Variants in KDM5B observed in about 807,000 individuals in gnomAD.
The protein encoded by KDM5B is lysine-specific demethylase 5B.
In KDM5B, 144 loss-of-function variants were observed where a neutral mutation model predicts 193.4. That is an observed-to-expected ratio of 0.74 (90% CI 0.65 to 0.86). The LOEUF is 0.86. KDM5B is among the 40% of genes least tolerant of loss of function. The pLI, the probability that KDM5B is intolerant of heterozygous loss-of-function variation, is 0.00. For missense variants in KDM5B, 1,833 were observed against 1,886.9 expected (o/e 0.97, Z 0.53); for synonymous variants, 668 against 682.6 (o/e 0.98, Z 0.33).
chr1:202,742,605 C>T, intron 17 of KDM5B, 50 bp downstream of exon 17: 1 of 1,610,230 alleles, frequency 6.2e-7, no homozygotes, highest in East Asian at 2.2e-5. Flanking sequence ...CAACAGGTTT[C>T]CAAACATAGG....
Position 202,742,457 on chromosome 1 carries a change from C to G in KDM5B, c.2523G>C (p.Glu841Asp). 6.2e-7 allele frequency: 1 copy of G among 1,614,126 alleles called. No homozygotes were observed. ...GKSQNQLTVN[E>D]LRQFVTQLYA... The stretch of plus-strand genomic sequence containing the variant: ...ACAGCTGTGTTACAAACTGCCGGAG[C>G]TCATTCACTGTCAACTGATTTTGGG... Residue 841 changes from glutamate (E) to aspartate (D), a missense_variant, in exon 18 of 27, where the codon GAG (glutamate) becomes GAC (aspartate). Transcript: ENST00000367265.
chr1:202,762,031 A>G (rs954396236), intron 7 of KDM5B, among the ~76,000 whole-genome samples: 1 of 152,130 alleles, frequency 6.6e-6, no homozygotes, highest in South Asian at 2.1e-4. Context: ...AGTTCCAAGA[A>G]AAAAAAGCAC....
chr1:202,778,450 GGTA>G (rs1657054043), intron 1 of KDM5B, among the ~76,000 whole-genome samples: 1 of 152,104 alleles, frequency 6.6e-6, no homozygotes, highest in African/African-American at 2.4e-5. Flanking sequence ...GGTAGACAAT[GGTA>G]ATGGCTGTAC....
At chr1:202,744,410 T>G (rs1261020672) in intron 16 of KDM5B, among the ~76,000 whole-genome samples, 1 of 152,010 alleles carries the variant, frequency 6.6e-6, no homozygotes, top group Non-Finnish European at 1.5e-5. Context: ...ATACAAAAAT[T>G]AGCTGGGCAT....
intron 4 of KDM5B, among the ~76,000 whole-genome samples, chr1:202,768,085 A>G (rs1296671178): frequency 6.6e-6 from 1 of 152,218 alleles, no homozygotes; most frequent in East Asian, 1.9e-4. Context: ...ACCACAGTAT[A>G]TCCCTACAAA....
At chr1:202,801,326 T>C (rs1572785975) in intron 1 of KDM5B, among the ~76,000 whole-genome samples, 1 of 151,862 alleles carries the variant, frequency 6.6e-6, no homozygotes, top group African/African-American at 2.4e-5. Flanking sequence ...TGTAAAGATA[T>C]ATGCTGATGG....
chr1:202,795,839 T>C (rs1024477000), intron 1 of KDM5B, among the ~76,000 whole-genome samples: 3 of 151,912 alleles, frequency 2.0e-5, no homozygotes, highest in Non-Finnish European at 4.4e-5. Flanking sequence ...TAATAAAATA[T>C]AGGGAGTAAA....
In KDM5B at chr1:202,725,656, G is replaced by A. The variant is rs3088324; in HGVS notation, c.*3380C>T. 12,056 of 152,194 alleles carry A rather than the reference G, an allele frequency of 0.079. 573 individuals are homozygous for A. The highest frequency in any genetic ancestry group is 0.12 in the African/African-American group (5,083 of 41,496). 9.4% of individuals were successfully genotyped at this position (152,194 alleles called of 1,614,324 possible). A position where few individuals can be genotyped will look rare whatever the true frequency, so the allele number is the denominator to read the frequency against. ...TTTCATCAGAAGGGATTGGGTTTTC[G>A]CCAGCACTATGGCAAGGAAAGACTA... is the stretch of plus-strand genomic sequence containing the variant. On this transcript the variant is annotated 3_prime_UTR_variant, in exon 27 of 27. Transcript: ENST00000367265.
chr1:202,778,174 CA>C (rs1013814145), intron 1 of KDM5B, among the ~76,000 whole-genome samples: 219 of 139,958 alleles, frequency 1.6e-3, no homozygotes, highest in African/African-American at 2.1e-3. Flanking sequence ...GACTTCACCT[CA>C]AAAAAAAAAA....
intron 24 of KDM5B, 129 bp downstream of exon 24, chr1:202,731,699 C>T: frequency 5.6e-6 from 4 of 710,976 alleles, no homozygotes; most frequent in South Asian, 1.7e-5. Flanking sequence ...TTTGCAAATA[C>T]ATAATAGCCT....
chr1:202,755,831 G>A (rs1655987147), intron 10 of KDM5B, among the ~76,000 whole-genome samples: 1 of 152,108 alleles, frequency 6.6e-6, no homozygotes, highest in South Asian at 2.1e-4. Flanking sequence ...GGCGAAAAGG[G>A]AACTTCTGGG....
rs374596350 is a variant in KDM5B at position 202,762,889 on chromosome 1, T to C, written c.809-81A>G. 39 of 751,654 alleles carry C rather than the reference T, an allele frequency of 5.2e-5. 1 individual carries two copies. Among genetic ancestry groups the C allele is most frequent in the Admixed American group, 2.0e-4 (10 of 50,464 alleles). 46.6% of individuals were successfully genotyped at this position (751,654 alleles called of 1,614,324 possible). On this transcript the variant is annotated intron_variant, in intron 6 of 26. Transcript: ENST00000367265. ...CATCTCCCTCCCAAAGCACATACTGTACACAAACATAATTTCATGTGTGTT... is the reference window on the plus strand; with the variant it reads ...CATCTCCCTCCCAAAGCACATACTGCACACAAACATAATTTCATGTGTGTT...
At chr1:202,766,209 C>T (rs1484021184) in intron 5 of KDM5B, among the ~76,000 whole-genome samples, 1 of 151,684 alleles carries the variant, frequency 6.6e-6, no homozygotes, top group Non-Finnish European at 1.5e-5. Flanking sequence ...AGCGAGACCA[C>T]CTATAAAAGG....
intron 2 of KDM5B, 45 bp from the exon 3 acceptor site, chr1:202,774,780 A>G: frequency 6.3e-7 from 1 of 1,575,532 alleles, no homozygotes; most frequent in African/African-American, 1.3e-5. Context: ...AGCTTATTTT[A>G]AAGCTCCTAT....
chr1:202,743,574 A>C (rs1267180659), intron 16 of KDM5B, among the ~76,000 whole-genome samples: 1 of 152,188 alleles, frequency 6.6e-6, no homozygotes, highest in Non-Finnish European at 1.5e-5. Context: ...GGGTGGAGTT[A>C]CGTGTTGGGC....
Position 202,777,042 on chromosome 1 carries a change from C to A in KDM5B, c.257G>T (p.Arg86Leu). 1 of 1,612,912 alleles carries A rather than the reference C, an allele frequency of 6.2e-7. No individual in the cohort carries two copies. The highest frequency in any genetic ancestry group is 8.5e-7 in the Non-Finnish European group (1 of 1,178,946). Reference protein sequence around the residue: ...CDVDKLHFTPRIQRLNELEAQ... With the variant: ...CDVDKLHFTPLIQRLNELEAQ... ...CTCCAATTCATTCAGTCTCTGGATACGTGGCGTAAAATGAAGTTTATCAAC... is the reference window on the plus strand; with the variant it reads ...CTCCAATTCATTCAGTCTCTGGATAAGTGGCGTAAAATGAAGTTTATCAAC... The change falls in exon 2 of 27, where the codon CGT becomes CTT. Residue 86 changes from arginine (R) to leucine (L), a missense_variant. Arg to Leu is a moderately radical substitution (Grantham distance 102, BLOSUM62 -2). This residue lies in a region of KDM5B where 355 missense variants were observed against 374.9 expected (regional missense o/e 0.95). Transcript: ENST00000367265.
intron 1 of KDM5B, among the ~76,000 whole-genome samples, chr1:202,802,386 GTTT>G (rs1283417972): frequency 6.6e-6 from 1 of 151,518 alleles, no homozygotes; most frequent in Non-Finnish European, 1.5e-5. Flanking sequence ...TGTTGTTGTT[GTTT>G]GTTGTTGTTG....
intron 1 of KDM5B, among the ~76,000 whole-genome samples, chr1:202,799,295 ATT>A (rs201896722): frequency 6.6e-6 from 1 of 152,112 alleles, no homozygotes; most frequent in African/African-American, 2.4e-5. Flanking sequence ...CTACCCACCT[ATT>A]TTTTAAAATC....
chr1:202,792,717 C>T (rs1045650715), intron 1 of KDM5B, among the ~76,000 whole-genome samples: 18 of 152,112 alleles, frequency 1.2e-4, no homozygotes, highest in Non-Finnish European at 2.5e-4. Flanking sequence ...GACTGTAGGC[C>T]GGGCACAGTG....
Sources: gnomAD v4.1 joint callset for allele counts (sites outside exome capture counted in the v4.1 genomes callset) on GRCh38, gnomAD v4.1.1 for gene constraint, gnomAD v4.1.1 regional missense constraint, MANE v1.5 for transcripts, NCBI Gene and HGNC (gene_info 2026-07-23, HGNC 2026-07-21) for gene names.